CSMD1: variants seen among roughly 807,000 people sequenced by gnomAD.
CSMD1 encodes CUB and Sushi multiple domains 1.
Under a neutral mutation model 417.5 loss-of-function variants are expected in CSMD1, and 213 were observed. The observed-to-expected ratio is 0.51, with a 90% CI of 0.46 to 0.57. The LOEUF is 0.57. Among genes scored for constraint, CSMD1 ranks in the 20% least tolerant of loss-of-function variants. CSMD1 has a pLI of 0.00. For synonymous variants in CSMD1, 2,862 were observed against 1,736.8 expected (o/e 1.65, Z -16.11); for missense variants, 6,923 against 4,529.7 (o/e 1.53, Z -15.17).
chr8:4,902,086 G>A (rs1008322883), intron 1 of CSMD1, among the ~76,000 whole-genome samples: 3 of 152,076 alleles, frequency 2.0e-5, no homozygotes, highest in African/African-American at 7.2e-5. Context: ...GTGTATATTT[G>A]TTGATTTTCA....
At chr8:3,377,020 C>T (rs185488624) in intron 18 of CSMD1, among the ~76,000 whole-genome samples, 6 of 152,144 alleles carry the variant, frequency 3.9e-5, no homozygotes, top group Non-Finnish European at 4.4e-5. Context: ...ATAGCTCTTT[C>T]TTTGTGGAGA....
intron 8 of CSMD1, among the ~76,000 whole-genome samples, chr8:3,603,666 C>G (rs192769811): frequency 6.6e-6 from 1 of 152,156 alleles, no homozygotes; most frequent in African/African-American, 2.4e-5. Context: ...AGAAACCAAA[C>G]TTGAATGTTT....
intron 10 of CSMD1, among the ~76,000 whole-genome samples, chr8:3,573,760 C>A (rs1800035966): frequency 6.6e-6 from 1 of 152,038 alleles, no homozygotes; most frequent in East Asian, 1.9e-4. Flanking sequence ...AGACACAGAA[C>A]TGTTAGTAAT....
At chr8:4,385,820 A>G (rs144288475) in intron 3 of CSMD1, among the ~76,000 whole-genome samples, 145 of 152,276 alleles carry the variant, frequency 9.5e-4, no homozygotes, top group African/African-American at 3.2e-3. Context: ...CTTAAAAATT[A>G]TTTTGTGTTT....
At chr8:4,096,844 G>C (rs1386289777) in intron 3 of CSMD1, among the ~76,000 whole-genome samples, 1 of 152,126 alleles carries the variant, frequency 6.6e-6, no homozygotes, top group Non-Finnish European at 1.5e-5. Flanking sequence ...GGAGGTGTGT[G>C]TCTCAGGTAA....
intron 3 of CSMD1, among the ~76,000 whole-genome samples, chr8:4,261,877 TGTGTTAAAAA>T (rs1803912412): frequency 6.6e-6 from 1 of 152,186 alleles, no homozygotes; most frequent in Non-Finnish European, 1.5e-5. Context: ...CTAGACAAAA[TGTGTTAAAAA>T]GTAGATGTGG....
At chr8:3,479,863 GA>G (rs999907948) in intron 11 of CSMD1, among the ~76,000 whole-genome samples, 53 of 150,896 alleles carry the variant, frequency 3.5e-4, no homozygotes, top group Non-Finnish European at 6.5e-4. Flanking sequence ...GCAAACAGAT[GA>G]AAAAAAACGA....
rs1815689421 is a variant in CSMD1 at position 4,001,734 on chromosome 8, G to C, written c.611-3624C>G. Among the ~76,000 whole-genome samples, 2 of 152,168 alleles carry C rather than the reference G, an allele frequency of 1.3e-5. 1 individual carries two copies. Among genetic ancestry groups the C allele is most frequent in the Admixed American group, 1.3e-4 (2 of 15,276 alleles). On this transcript the variant is annotated intron_variant, in intron 4 of 69. Coordinates refer to ENST00000635120, the MANE Select transcript of CSMD1 (RefSeq NM_033225.6). Reference sequence around the variant, plus strand: ...CCCATAGTTCACTGGGCCAGCATGAGTACTAGGCTCACTGAATCCAGGTAA... The same window carrying C: ...CCCATAGTTCACTGGGCCAGCATGACTACTAGGCTCACTGAATCCAGGTAA...
chr8:4,810,102 T>C (rs1220737735), intron 1 of CSMD1, among the ~76,000 whole-genome samples: 1 of 152,202 alleles, frequency 6.6e-6, no homozygotes, highest in Non-Finnish European at 1.5e-5. Flanking sequence ...CCTTAGCCTT[T>C]AGAAACACAA....
intron 2 of CSMD1, among the ~76,000 whole-genome samples, chr8:4,482,576 G>A (rs183025186): frequency 2.0e-5 from 3 of 152,292 alleles, no homozygotes; most frequent in African/African-American, 7.2e-5. Context: ...GTGTCTTTGT[G>A]GTAGAATGTT....
chr8:4,403,737 C>G (rs886130201), intron 3 of CSMD1, among the ~76,000 whole-genome samples: 3 of 152,122 alleles, frequency 2.0e-5, no homozygotes, highest in African/African-American at 4.8e-5. Context: ...TGCTGATGAC[C>G]TCATCTTACT....
chr8:3,465,384 C>G (rs889398721), intron 12 of CSMD1, among the ~76,000 whole-genome samples: 21 of 152,290 alleles, frequency 1.4e-4, no homozygotes, highest in African/African-American at 5.1e-4. Flanking sequence ...AGAAATCTCA[C>G]ATATGCCCAA....
chr8:4,911,665 A>C (rs959025529), intron 1 of CSMD1, among the ~76,000 whole-genome samples: 8 of 152,214 alleles, frequency 5.3e-5, no homozygotes, highest in African/African-American at 9.6e-5. Context: ...AACTACTTCG[A>C]AGTCTGCATA....
intron 1 of CSMD1, among the ~76,000 whole-genome samples, chr8:4,824,103 C>CAA (rs1563503356): frequency 6.6e-6 from 1 of 151,696 alleles, no homozygotes; most frequent in African/African-American, 2.4e-5. Flanking sequence ...CACACACACA[C>CAA]ACACACACTC....
Position 3,923,357 on chromosome 8 carries a change from G to A in CSMD1, c.818+74546C>T, listed in dbSNP as rs143012258. ...ACATCCACATACGTATATTTTTTTC[G>A]CTTGTCCCCTTCCCATTGCAATTTC... On this transcript the variant is annotated intron_variant, in intron 5 of 69. Coordinates refer to ENST00000635120, the MANE Select transcript of CSMD1 (RefSeq NM_033225.6). 1.1e-3 allele frequency among the ~76,000 whole-genome samples: 163 copies of A among 151,812 alleles called. 1 individual carries two copies. Among genetic ancestry groups the A allele is most frequent in the African/African-American group, 3.8e-3 (156 of 41,390 alleles).
intron 3 of CSMD1, among the ~76,000 whole-genome samples, chr8:4,292,854 T>C (rs915116557): frequency 6.6e-6 from 1 of 152,208 alleles, no homozygotes; most frequent in African/African-American, 2.4e-5. Context: ...AGAGATGGAA[T>C]ATTTAATGGG....
At chr8:4,068,734 C>T (rs1381702990) in intron 3 of CSMD1, among the ~76,000 whole-genome samples, 3 of 152,094 alleles carry the variant, frequency 2.0e-5, no homozygotes, top group South Asian at 2.1e-4. Context: ...TATGCCTGCG[C>T]TGTGTATTTC....
intron 1 of CSMD1, among the ~76,000 whole-genome samples, chr8:4,660,883 A>T (rs1444822354): frequency 6.6e-6 from 1 of 152,196 alleles, no homozygotes; most frequent in Non-Finnish European, 1.5e-5. Context: ...AACATTAGCT[A>T]TTAGGGAAAT....
intron 12 of CSMD1, among the ~76,000 whole-genome samples, chr8:3,434,786 G>T (rs1031073219): frequency 6.6e-6 from 1 of 152,208 alleles, no homozygotes; most frequent in African/African-American, 2.4e-5. Flanking sequence ...TCCTGGAACA[G>T]ACAGTTCCTT....
Sources: gnomAD v4.1 joint callset for allele counts (sites outside exome capture counted in the v4.1 genomes callset) on GRCh38, gnomAD v4.1.1 for gene constraint, MANE v1.5 for transcripts, NCBI Gene and HGNC (gene_info 2026-07-23, HGNC 2026-07-21) for gene names.